SMYD3: variants seen among roughly 807,000 people sequenced by gnomAD.
The protein encoded by SMYD3 is SET and MYND domain containing 3.
Under a neutral mutation model 57.7 loss-of-function variants are expected in SMYD3, and 36 were observed. The ratio of observed to expected loss-of-function variants is 0.62; its 90% CI spans 0.48 to 0.82. SMYD3 has a LOEUF of 0.82. Among genes scored for constraint, SMYD3 ranks in the 40% least tolerant of loss-of-function variants. The pLI is 0.00. For synonymous variants in SMYD3, 211 were observed against 195.0 expected (o/e 1.08, Z -0.68); for missense variants, 515 against 538.8 (o/e 0.96, Z 0.44).
intron 10 of SMYD3, among the ~76,000 whole-genome samples, chr1:245,811,028 T>G (rs553377315): frequency 1.3e-5 from 2 of 152,330 alleles, no homozygotes; most frequent in East Asian, 3.9e-4. Flanking sequence ...TGATGCATCT[T>G]CCAATTCAAC....
intron 5 of SMYD3, among the ~76,000 whole-genome samples, chr1:246,115,635 C>G (rs904867370): frequency 6.6e-6 from 1 of 152,172 alleles, no homozygotes; most frequent in Admixed American, 6.5e-5. Context: ...TTTCACTGGA[C>G]GGCAGTGCAT....
At chr1:245,993,623 TAGATAGATAGAC>T (rs1217296499) in intron 5 of SMYD3, among the ~76,000 whole-genome samples, 1,364 of 96,412 alleles carry the variant, frequency 0.014, 32 homozygotes, top group African/African-American at 0.044. Context: ...GATAGATAGA[TAGATAGATAGAC>T]AGACAGACAG....
chr1:246,391,403 AGAGAAAGAGAGAG>A (rs386641719), intron 1 of SMYD3, among the ~76,000 whole-genome samples: 66 of 48,336 alleles, frequency 1.4e-3, no homozygotes, highest in African/African-American at 2.3e-3. Flanking sequence ...AAAGAGAGAG[AGAGAAAGAGAGAG>A]AAAAAGAGAG....
intron 8 of SMYD3, among the ~76,000 whole-genome samples, chr1:245,890,519 A>G (rs2053323643): frequency 6.6e-6 from 1 of 152,216 alleles, no homozygotes; most frequent in Non-Finnish European, 1.5e-5. Flanking sequence ...AACTACAATG[A>G]GATATCATCT....
intron 5 of SMYD3, among the ~76,000 whole-genome samples, chr1:246,289,974 A>G (rs140417964): frequency 7.7e-4 from 118 of 152,304 alleles, no homozygotes; most frequent in African/African-American, 2.4e-3. Context: ...GGAAAAAACT[A>G]TCATAACTTA....
chr1:245,872,262 A>G (rs2052238150), intron 8 of SMYD3, among the ~76,000 whole-genome samples: 1 of 152,214 alleles, frequency 6.6e-6, no homozygotes, highest in Admixed American at 6.5e-5. Context: ...AGTGCCTTTA[A>G]CAGATGTCCA....
At chr1:246,255,495 T>C (rs762179505) in intron 5 of SMYD3, among the ~76,000 whole-genome samples, 10 of 152,050 alleles carry the variant, frequency 6.6e-5, no homozygotes, top group Non-Finnish European at 1.3e-4. Flanking sequence ...GATTTGCATA[T>C]ATTGAATCAA....
At chr1:245,774,842 A>C (rs1282462405) in intron 10 of SMYD3, among the ~76,000 whole-genome samples, 1 of 152,076 alleles carries the variant, frequency 6.6e-6, no homozygotes, top group African/African-American at 2.4e-5. Flanking sequence ...CTGCGATTGC[A>C]GGGGTGCACC....
intron 1 of SMYD3, among the ~76,000 whole-genome samples, chr1:246,449,098 C>T (rs994997480): frequency 2.6e-5 from 4 of 152,072 alleles, no homozygotes; most frequent in African/African-American, 9.7e-5. Context: ...GACATGGTAG[C>T]ACATGCCTGT....
intron 1 of SMYD3, among the ~76,000 whole-genome samples, chr1:246,399,981 G>T (rs1246505910): frequency 6.6e-6 from 1 of 151,898 alleles, no homozygotes; most frequent in Non-Finnish European, 1.5e-5. Flanking sequence ...CATTAAACAA[G>T]ACCACTAAGA....
intron 5 of SMYD3, among the ~76,000 whole-genome samples, chr1:246,204,405 C>G (rs994821858): frequency 1.3e-5 from 2 of 152,194 alleles, no homozygotes; most frequent in East Asian, 3.9e-4. Flanking sequence ...TCCTTGAAAG[C>G]AGATCCTGTG....
At chr1:246,314,036 T>G (rs1025518100) in intron 5 of SMYD3, among the ~76,000 whole-genome samples, 4 of 152,210 alleles carry the variant, frequency 2.6e-5, no homozygotes, top group Admixed American at 2.0e-4. Context: ...CACATACAGT[T>G]GTGGCAACAT....
rs1479122732 is a variant in SMYD3 at position 246,063,570 on chromosome 1, CCTCCCTCA to C, written c.532-133641_532-133634del. 2.7e-5 allele frequency among the ~76,000 whole-genome samples: 4 copies of C among 150,648 alleles called. No individual in the cohort carries two copies. The East Asian group carries it at 7.9e-4, about 30-fold the overall frequency. On this transcript the variant is annotated intron_variant, in intron 5 of 11. Coordinates refer to ENST00000490107, the MANE Select transcript of SMYD3 (RefSeq NM_001167740.2). ...TTCCCTTCCTTCCCTTCCTTCCTTCCCTCCCTCACTCCCATTCCCTCCCCTCCCCTCCT... is the reference window on the plus strand; with the variant it reads ...TTCCCTTCCTTCCCTTCCTTCCTTCCCTCCCATTCCCTCCCCTCCCCTCCT...
chr1:246,378,704 TTA>T (rs1350498238), intron 1 of SMYD3, among the ~76,000 whole-genome samples: 1 of 85,438 alleles, frequency 1.2e-5, no homozygotes, highest in African/African-American at 5.5e-5. Context: ...AAACTCCCCT[TTA>T]TATATATAAT....
At chr1:246,218,435 A>G (rs986460712) in intron 5 of SMYD3, among the ~76,000 whole-genome samples, 3 of 152,146 alleles carry the variant, frequency 2.0e-5, no homozygotes, top group Admixed American at 1.3e-4. Flanking sequence ...CATCCTGGCT[A>G]ACACGGTGAA....
rs6684242 is a variant in SMYD3, at chr1:246,360,662, G to A, written c.165-5568C>T. Among the ~76,000 whole-genome samples, 917 of 152,234 alleles carry A rather than the reference G, an allele frequency of 6.0e-3. 10 individuals carry two copies. Among genetic ancestry groups the A allele is most frequent in the African/African-American group, 0.021 (873 of 41,554 alleles). On this transcript the variant is annotated intron_variant, in intron 1 of 11. Transcript: ENST00000490107. ...CAAACCCAAATACTGACAGCTAACTGATCTTCAACAAAGCAAACAAAAACA... is the reference window on the plus strand; with the variant it reads ...CAAACCCAAATACTGACAGCTAACTAATCTTCAACAAAGCAAACAAAAACA...
At chr1:246,359,670 A>C (rs2065958808) in intron 1 of SMYD3, among the ~76,000 whole-genome samples, 1 of 152,228 alleles carries the variant, frequency 6.6e-6, no homozygotes, top group Non-Finnish European at 1.5e-5. Flanking sequence ...TCCATAACTC[A>C]AATGTGATAT....
chr1:245,781,383 C>T (rs2046820040), intron 10 of SMYD3, among the ~76,000 whole-genome samples: 1 of 152,120 alleles, frequency 6.6e-6, no homozygotes, highest in Non-Finnish European at 1.5e-5. Flanking sequence ...TTATTTGATT[C>T]CAGGCAAAAT....
At chr1:245,846,541 C>T (rs959658177) in intron 10 of SMYD3, among the ~76,000 whole-genome samples, 17 of 152,152 alleles carry the variant, frequency 1.1e-4, no homozygotes, top group African/African-American at 3.9e-4. Flanking sequence ...GAATCCATGG[C>T]CTGAGTTTGA....
Sources: gnomAD v4.1 joint callset for allele counts (sites outside exome capture counted in the v4.1 genomes callset) on GRCh38, gnomAD v4.1.1 for gene constraint, MANE v1.5 for transcripts, NCBI Gene and HGNC (gene_info 2026-07-23, HGNC 2026-07-21) for gene names.